LRCH1: variants seen among roughly 807,000 people sequenced by gnomAD.
LRCH1 encodes the protein leucine rich repeats and calponin homology domain containing 1.
Under a neutral mutation model 94.9 loss-of-function variants are expected in LRCH1, and 23 were observed. The ratio of observed to expected loss-of-function variants is 0.24; its 90% CI spans 0.17 to 0.34. The LOEUF (loss-of-function observed/expected upper bound fraction) is 0.34. LRCH1 is among the 10% of genes least tolerant of loss of function. LRCH1 has a pLI of 1.00. For missense variants in LRCH1, 790 were observed against 945.9 expected, an observed-to-expected ratio of 0.84 and a Z score of 2.16; for synonymous variants, 364 against 354.9, an observed-to-expected ratio of 1.03 and a Z score of -0.29.
intron 1 of LRCH1, among the ~76,000 whole-genome samples, chr13:46,639,240 C>T (rs569099501): frequency 6.6e-6 from 1 of 152,276 alleles, no homozygotes; most frequent in African/African-American, 2.4e-5. Flanking sequence ...TACTTCTCTG[C>T]CTTTTTTCTG....
chr13:46,644,163 G>C (rs2051192510), intron 1 of LRCH1, among the ~76,000 whole-genome samples: 1 of 152,170 alleles, frequency 6.6e-6, no homozygotes, highest in East Asian at 1.9e-4. Flanking sequence ...TCTTTAGGTT[G>C]GTGGGGCTAC....
chr13:46,640,529 A>G (rs1189463431), intron 1 of LRCH1, among the ~76,000 whole-genome samples: 1 of 152,220 alleles, frequency 6.6e-6, no homozygotes, highest in Non-Finnish European at 1.5e-5. Context: ...CTGGGTGGAA[A>G]CATGGCACTG....
At chr13:46,729,163 C>T (rs148913827) in intron 18 of LRCH1, among the ~76,000 whole-genome samples, 179 bp downstream of exon 18, 177 of 152,098 alleles carry the variant, frequency 1.2e-3, no homozygotes, top group Middle Eastern at 6.8e-3. Flanking sequence ...AACATTTTCC[C>T]GGTAAAATGA....
intron 1 of LRCH1, among the ~76,000 whole-genome samples, chr13:46,632,777 AAGAG>A (rs1161510915): frequency 1.3e-5 from 2 of 152,242 alleles, no homozygotes; most frequent in African/African-American, 4.8e-5. Context: ...TGAGAGGAAA[AAGAG>A]AAGTCTCAAG....
rs3138585 is a variant in LRCH1, at chr13:46,736,118, CTGTGTGTG to C, written c.2085+2150_2085+2157del. 4.4e-3 allele frequency among the ~76,000 whole-genome samples: 621 copies of C among 142,298 alleles called. 1 individual carries two copies. Among genetic ancestry groups the C allele is most frequent in the African/African-American group, 0.015 (570 of 38,222 alleles). 93.4% of individuals were successfully genotyped at this position (142,298 alleles called of 152,430 possible). ...GGCCAAGGTGATTTTCAAATTTGCTCTGTGTGTGTGTGTGTGTGTGTGTGTGTGTGTGT... is the reference window on the plus strand; with the variant it reads ...GGCCAAGGTGATTTTCAAATTTGCTCTGTGTGTGTGTGTGTGTGTGTGTGT... On this transcript the variant is annotated intron_variant, in intron 19 of 19. Transcript: ENST00000389797.
chr13:46,574,046 A>G (rs941281234), intron 1 of LRCH1, among the ~76,000 whole-genome samples: 10 of 151,074 alleles, frequency 6.6e-5, no homozygotes, highest in Non-Finnish European at 1.5e-4. Flanking sequence ...GGGTTTCGCC[A>G]TGTTGGCCAG....
chr13:46,558,557 G>A (rs906203600), intron 1 of LRCH1, among the ~76,000 whole-genome samples: 1 of 61,446 alleles, frequency 1.6e-5, no homozygotes, highest in Admixed American at 2.1e-4. Context: ...CCAAGACGGT[G>A]AAACCCTGTG....
chr13:46,712,304 G>T (rs753804185), intron 14 of LRCH1, among the ~76,000 whole-genome samples: 2 of 152,158 alleles, frequency 1.3e-5, no homozygotes, highest in Non-Finnish European at 2.9e-5. Context: ...TTCTTAAAAT[G>T]GACAAAACAA....
chr13:46,617,498 C>T (rs1444101289), intron 1 of LRCH1, among the ~76,000 whole-genome samples: 1 of 152,212 alleles, frequency 6.6e-6, no homozygotes, highest in Non-Finnish European at 1.5e-5. Context: ...GCTGCACATT[C>T]CTATTTGCTC....
intron 1 of LRCH1, among the ~76,000 whole-genome samples, chr13:46,561,303 C>T (rs1452244800): frequency 1.3e-5 from 2 of 152,240 alleles, no homozygotes; most frequent in African/African-American, 4.8e-5. Context: ...GTTTTTCTTC[C>T]TTCTGCTGTT....
intron 13 of LRCH1, among the ~76,000 whole-genome samples, chr13:46,709,689 C>T (rs760991900): frequency 6.6e-6 from 1 of 152,014 alleles, no homozygotes; most frequent in Non-Finnish European, 1.5e-5. Flanking sequence ...CCCCAACTTA[C>T]AATGTTTTGT....
chr13:46,585,552 CAAAA>C (rs35651253), intron 1 of LRCH1, among the ~76,000 whole-genome samples: 1 of 82,114 alleles, frequency 1.2e-5, no homozygotes. Flanking sequence ...GACTGCATCT[CAAAA>C]AAAAAAAAAA....
At chr13:46,729,165 G>A (rs1303183368) in intron 18 of LRCH1, among the ~76,000 whole-genome samples, 181 bp downstream of exon 18, 1 of 152,136 alleles carries the variant, frequency 6.6e-6, no homozygotes, top group Non-Finnish European at 1.5e-5. Context: ...CATTTTCCCG[G>A]TAAAATGAGA....
intron 1 of LRCH1, among the ~76,000 whole-genome samples, chr13:46,562,754 G>A (rs1478393716): frequency 6.6e-6 from 1 of 152,178 alleles, no homozygotes; most frequent in Non-Finnish European, 1.5e-5. Context: ...TGCTCTTGCA[G>A]GAGGCCCAAG....
chr13:46,689,019 A>T, intron 6 of LRCH1, 114 bp from the exon 7 acceptor site: 1 of 809,316 alleles, frequency 1.2e-6, no homozygotes, highest in South Asian at 1.8e-5. Context: ...TATGGTAATA[A>T]TAAAAATTTG....
chr13:46,728,271 A>C (rs1872927788), intron 17 of LRCH1, among the ~76,000 whole-genome samples: 2 of 151,842 alleles, frequency 1.3e-5, no homozygotes, highest in African/African-American at 4.8e-5. Flanking sequence ...GCTGGAGTGC[A>C]GTAGCACTAC....
intron 16 of LRCH1, among the ~76,000 whole-genome samples, chr13:46,715,990 C>T (rs1276210641): frequency 4.0e-5 from 6 of 151,814 alleles, no homozygotes; most frequent in South Asian, 4.2e-4. Flanking sequence ...GATTTATCTC[C>T]GCTTGTTCCT....
At chr13:46,708,887 C>T (rs1216972878) in intron 13 of LRCH1, among the ~76,000 whole-genome samples, 2 of 152,152 alleles carry the variant, frequency 1.3e-5, no homozygotes, top group East Asian at 1.9e-4. Flanking sequence ...AGCATTCTCA[C>T]TTGAAGTGGG....
intron 18 of LRCH1, among the ~76,000 whole-genome samples, chr13:46,730,115 GA>G (rs1477830272): frequency 1.3e-5 from 2 of 152,136 alleles, no homozygotes; most frequent in Non-Finnish European, 2.9e-5. Flanking sequence ...TACAAATAGA[GA>G]AAAAAGTATC....
Sources: gnomAD v4.1 joint callset for allele counts (sites outside exome capture counted in the v4.1 genomes callset) on GRCh38, gnomAD v4.1.1 for gene constraint, MANE v1.5 for transcripts, NCBI Gene and HGNC (gene_info 2026-07-23, HGNC 2026-07-21) for gene names.